The following CCDC178 variants were observed in gnomAD, a reference collection of about 807,000 sequenced individuals.
CCDC178 encodes coiled-coil domain containing 178.
CCDC178 carries 126 observed loss-of-function variants against 117.4 expected under a neutral mutation model. That is an observed-to-expected ratio of 1.07 (90% CI 0.93 to 1.24). CCDC178 has a LOEUF of 1.24. Among genes scored for constraint, CCDC178 ranks in the 50% most tolerant of loss-of-function variants. The probability of loss-of-function intolerance (pLI) is 0.00; values close to 1 mark genes in which losing one functional copy is unlikely to be tolerated. For missense variants in CCDC178, 1,030 were observed against 986.9 expected (o/e 1.04, Z -0.59); for synonymous variants, 283 against 313.4 (o/e 0.90, Z 1.02).
At chr18:33,218,790 T>C (rs1307516013) in intron 18 of CCDC178, among the ~76,000 whole-genome samples, 1 of 152,026 alleles carries the variant, frequency 6.6e-6, no homozygotes, top group Non-Finnish European at 1.5e-5. Context: ...CTGAGGGCTC[T>C]GCTCTGTTCC....
intron 21 of CCDC178, among the ~76,000 whole-genome samples, chr18:33,005,498 A>G (rs2055728225): frequency 6.6e-6 from 1 of 152,068 alleles, no homozygotes; most frequent in Non-Finnish European, 1.5e-5. Flanking sequence ...GAGATGGTTA[A>G]TGGGTATAAA....
At chr18:33,261,345 A>T (rs113455390) in intron 14 of CCDC178, among the ~76,000 whole-genome samples, 10,230 of 152,086 alleles carry the variant, frequency 0.067, 512 homozygotes, top group African/African-American at 0.14. Flanking sequence ...GGCCTCCCAA[A>T]GTTCTGGGAC....
At chr18:32,950,279 A>G (rs1040606821) in intron 22 of CCDC178, among the ~76,000 whole-genome samples, 3 of 152,258 alleles carry the variant, frequency 2.0e-5, no homozygotes, top group East Asian at 1.9e-4. Context: ...CTCAATTCAC[A>G]TAATTTGCTG....
chr18:33,387,494 T>C (rs1237116753), intron 5 of CCDC178, among the ~76,000 whole-genome samples: 1 of 152,124 alleles, frequency 6.6e-6, no homozygotes, highest in Non-Finnish European at 1.5e-5. Context: ...AACAGCATGG[T>C]ACTGGTACAA....
intron 6 of CCDC178, among the ~76,000 whole-genome samples, chr18:33,366,409 A>G (rs879869052): frequency 6.6e-6 from 1 of 152,008 alleles, no homozygotes; most frequent in Non-Finnish European, 1.5e-5. Context: ...AACTTTTGTA[A>G]CAATTAGAGT....
intron 20 of CCDC178, among the ~76,000 whole-genome samples, chr18:33,185,394 T>C (rs1006995829): frequency 6.6e-6 from 1 of 152,080 alleles, no homozygotes; most frequent in Non-Finnish European, 1.5e-5. Context: ...TAAGAGTACA[T>C]TGCGAATACT....
chr18:33,025,784 A>G (rs147733218), intron 21 of CCDC178, among the ~76,000 whole-genome samples: 1 of 152,302 alleles, frequency 6.6e-6, no homozygotes, highest in Non-Finnish European at 1.5e-5. Context: ...GTAATAATTG[A>G]TGGTACAATC....
At chr18:33,070,444 C>T (rs2057088378) in intron 21 of CCDC178, among the ~76,000 whole-genome samples, 1 of 151,976 alleles carries the variant, frequency 6.6e-6, no homozygotes, top group Admixed American at 6.6e-5. Flanking sequence ...CATGTTCTTA[C>T]TCATATGTGG....
chr18:33,357,623 G>A (rs1225856126), intron 6 of CCDC178, among the ~76,000 whole-genome samples: 2 of 152,020 alleles, frequency 1.3e-5, no homozygotes, highest in Non-Finnish European at 2.9e-5. Context: ...TAAAGTCATT[G>A]GCAGGGTTAT....
Position 33,344,281 on chromosome 18 carries a change from G to A in CCDC178, c.658+1930C>T, listed in dbSNP as rs370261614. On this transcript the variant is annotated intron_variant, in intron 9 of 22. Transcript: ENST00000383096. Reference sequence around the variant, plus strand: ...ATTGCGCCACTGCAGTCCGCAGTCCGGCCTGGGCGACAGAGCGAGACTCCG... The same window carrying A: ...ATTGCGCCACTGCAGTCCGCAGTCCAGCCTGGGCGACAGAGCGAGACTCCG... 2.0e-4 allele frequency among the ~76,000 whole-genome samples: 28 copies of A among 137,960 alleles called. No individual in the cohort carries two copies. The East Asian group carries it at 3.5e-3, about 17-fold the overall frequency. The allele number at this position is 137,960 out of a possible 152,430, so 90.5% of individuals were successfully genotyped here. A position where few individuals can be genotyped will look rare whatever the true frequency, so the allele number is the denominator to read the frequency against.
At chr18:32,986,130 C>T (rs959494932) in intron 21 of CCDC178, among the ~76,000 whole-genome samples, 5 of 151,936 alleles carry the variant, frequency 3.3e-5, no homozygotes, top group African/African-American at 1.2e-4. Flanking sequence ...AAAAAGAGTT[C>T]ACTAGACACT....
chr18:33,216,832 A>G (rs2059171565), intron 18 of CCDC178, among the ~76,000 whole-genome samples: 1 of 151,912 alleles, frequency 6.6e-6, no homozygotes. Flanking sequence ...TAACTAACTA[A>G]GATTTGTTGA....
At chr18:32,998,141 G>T (rs1306914514) in intron 21 of CCDC178, among the ~76,000 whole-genome samples, 2 of 152,216 alleles carry the variant, frequency 1.3e-5, no homozygotes, top group African/African-American at 4.8e-5. Flanking sequence ...GCAGCCATGT[G>T]GTGAAGAGAG....
chr18:33,355,700 T>C (rs967448359), intron 7 of CCDC178, among the ~76,000 whole-genome samples: 1 of 152,244 alleles, frequency 6.6e-6, no homozygotes, highest in Non-Finnish European at 1.5e-5. Flanking sequence ...AGCTGTTATC[T>C]ATAGCCTCAG....
At chr18:33,437,175 T>TACAG (rs1453486931) in intron 2 of CCDC178, among the ~76,000 whole-genome samples, 1 of 152,196 alleles carries the variant, frequency 6.6e-6, no homozygotes, top group Non-Finnish European at 1.5e-5. Context: ...AAGTGTAATT[T>TACAG]TTAGACTCAA....
At chr18:33,229,278 T>C (rs2059344033) in intron 15 of CCDC178, among the ~76,000 whole-genome samples, 1 of 152,166 alleles carries the variant, frequency 6.6e-6, no homozygotes, top group East Asian at 1.9e-4. Flanking sequence ...TATCATTCTA[T>C]TTTTATTGGT....
chr18:33,103,627 A>C (rs562040621), intron 20 of CCDC178, among the ~76,000 whole-genome samples: 3 of 151,844 alleles, frequency 2.0e-5, no homozygotes, highest in Admixed American at 2.0e-4. Flanking sequence ...AGTACTCTCA[A>C]AATGGACTCA....
intron 21 of CCDC178, among the ~76,000 whole-genome samples, chr18:33,000,389 G>A (rs1290851037): frequency 1.3e-5 from 2 of 152,224 alleles, no homozygotes; most frequent in African/African-American, 2.4e-5. Flanking sequence ...ATTTAAAGAG[G>A]AGGTAGAGAA....
At chr18:33,391,287 G>T (rs140476636) in intron 4 of CCDC178, among the ~76,000 whole-genome samples, 1 of 150,338 alleles carries the variant, frequency 6.7e-6, no homozygotes, top group East Asian at 2.0e-4. Context: ...ATCTATATGC[G>T]TGCAATAAAA....
Sources: allele counts gnomAD v4.1 joint callset (sites outside exome capture counted in the v4.1 genomes callset), GRCh38; gene constraint gnomAD v4.1.1; transcripts MANE v1.5; gene names NCBI Gene and HGNC (gene_info 2026-07-23, HGNC 2026-07-21).